SPATA31E1: variants seen among roughly 807,000 people sequenced by gnomAD.
SPATA31E1 encodes the protein spermatogenesis-associated protein 31E1.
SPATA31E1 carries 7 observed loss-of-function variants against 12.9 expected under a neutral mutation model. That is an observed-to-expected ratio of 0.54 (90% CI 0.31 to 1.02). The LOEUF is 1.02. Ranked by LOEUF, SPATA31E1 falls within the 50% of genes least tolerant of loss-of-function variation. The pLI is 0.05. For missense variants in SPATA31E1, 1,961 were observed against 1,799.8 expected (o/e 1.09, Z -1.62); for synonymous variants, 771 against 719.0 (o/e 1.07, Z -1.16).
rs763561238 is a variant in SPATA31E1, at chr9:87,885,496, G to C, written c.1009G>C (p.Glu337Gln). ...QPRHLPDHTSEASFWGDPTPK... is the reference protein window; with the variant it reads ...QPRHLPDHTSQASFWGDPTPK... Reference sequence around the variant, plus strand: ...ACGGCATCTTCCCGACCACACCTCAGAGGCTTCCTTCTGGGGAGACCCCAC... The same window carrying C: ...ACGGCATCTTCCCGACCACACCTCACAGGCTTCCTTCTGGGGAGACCCCAC... Residue 337 changes from glutamate to glutamine, a missense_variant, in exon 4 of 4, where the codon GAG becomes CAG. By Grantham distance (29) the Glu-to-Gln change is conservative. Transcript: ENST00000325643. 6.2e-7 allele frequency: 1 copy of C among 1,614,020 alleles called. No homozygotes were observed. Among genetic ancestry groups the C allele is most frequent in the Non-Finnish European group, 8.5e-7 (1 of 1,180,014 alleles).
At position 87,886,116 on chromosome 9, in the gene SPATA31E1, G is replaced by A. The variant is rs764728098; in HGVS notation, c.1629G>A (p.Arg543=). The change falls in exon 4 of 4, where the codon AGG becomes AGA. Residue 543 remains arginine (R), a synonymous_variant. Transcript: ENST00000325643. ...SLGCSSPPQI[R]GCGASYPTSQ... ...GGTGCTCTTCTCCACCCCAGATTAG[G>A]GGCTGTGGGGCATCTTACCCTACAT... 2 of 1,603,568 alleles carry A rather than the reference G, an allele frequency of 1.2e-6. No individual in the cohort carries two copies. Among genetic ancestry groups the A allele is most frequent in the South Asian group, 1.1e-5 (1 of 89,488 alleles).
Position 87,885,893 on chromosome 9 carries a change from T to C in SPATA31E1, c.1406T>C (p.Val469Ala), listed in dbSNP as rs769848578. Residue 469 changes from valine to alanine, a missense_variant, in exon 4 of 4, where the codon GTA becomes GCA. By Grantham distance (64) the Val-to-Ala change is moderately conservative. Transcript: ENST00000325643. ...CCTTCCTCACAGAATGCACACTCTGTACCACTGGATAAAGCCTCCACTTCT... is the reference window on the plus strand; with the variant it reads ...CCTTCCTCACAGAATGCACACTCTGCACCACTGGATAAAGCCTCCACTTCT... Reference protein sequence around the residue: ...RNPSSQNAHSVPLDKASTSLP... With the variant: ...RNPSSQNAHSAPLDKASTSLP... 6.2e-6 allele frequency: 10 copies of C among 1,613,908 alleles called. No homozygotes were observed. In the East Asian group the frequency reaches 2.2e-4, roughly 36 times the overall value.
At chr9:87,884,154 A>G in intron 2 of SPATA31E1, 108 bp downstream of exon 2, 1 of 1,367,620 alleles carries the variant, frequency 7.3e-7, no homozygotes, top group Non-Finnish European at 1.0e-6. Context: ...GAGAGAAATC[A>G]GAACCTGCGG....
rs34051334 is a variant in SPATA31E1 at position 87,887,258 on chromosome 9, C to T, written c.2771C>T (p.Pro924Leu). The change falls in exon 4 of 4, where the codon CCG becomes CTG. Residue 924 changes from proline to leucine, a missense_variant. Coordinates refer to ENST00000325643, the MANE Select transcript of SPATA31E1 (RefSeq NM_178828.5). The part of the protein sequence containing the change: ...PTVSGPLAAP[P>L]PEQEGVQRPP... Reference sequence around the variant, plus strand: ...GTGAGTGGCCCTCTCGCTGCCCCACCGCCTGAGCAGGAGGGAGTCCAGAGG... The same window carrying T: ...GTGAGTGGCCCTCTCGCTGCCCCACTGCCTGAGCAGGAGGGAGTCCAGAGG... 7.8e-4 allele frequency: 1,266 copies of T among 1,614,000 alleles called. 5 individuals carry two copies. In the African/African-American group the frequency reaches 0.014, roughly 18 times the overall value.
chr9:87,883,083 G>A lies in SPATA31E1; in HGVS notation c.192G>A (p.Trp64Ter), dbSNP rs759624489. ...ATWLSPSSTP[W>*]MMDFILTSVC... ...GGCTGAGCCCTAGCTCCACTCCCTG[G>A]ATGATGGATTTCATCCTCACCAGTG... is the stretch of plus-strand genomic sequence containing the variant. Residue 64 changes from tryptophan to a stop codon, truncating the protein, a stop_gained, in exon 1 of 4, where the codon TGG (tryptophan) becomes TGA (stop). Transcript: ENST00000325643. LOFTEE classifies it high-confidence loss of function. 12 of 1,612,086 alleles carry A rather than the reference G, an allele frequency of 7.4e-6. No homozygotes were observed. In the South Asian group the frequency reaches 1.1e-4, roughly 15 times the overall value.
At position 87,887,536 on chromosome 9, in the gene SPATA31E1, C is replaced by G; in HGVS notation, c.3049C>G (p.Leu1017Val). 6.2e-7 allele frequency: 1 copy of G among 1,614,078 alleles called. No homozygotes were observed. The stretch of plus-strand genomic sequence containing the variant: ...AGGAGACCCCTGTAGTAGCAGAGCC[C>G]TGCAAGTGCTCAGCATAGGGTCCCA... ...SPGDPCSSRALQVLSIGSQWA... is the reference protein window; with the variant it reads ...SPGDPCSSRAVQVLSIGSQWA... The change falls in exon 4 of 4, where the codon CTG (leucine) becomes GTG (valine). Residue 1017 changes from leucine (L) to valine (V), a missense_variant. Physicochemically the swap from Leu to Val is conservative, Grantham distance 32. Transcript: ENST00000325643.
chr9:87,883,619 C>G (rs552432997), intron 1 of SPATA31E1, among the ~76,000 whole-genome samples: 1 of 152,050 alleles, frequency 6.6e-6, no homozygotes, highest in Non-Finnish European at 1.5e-5. Context: ...GGCTGCACCC[C>G]GGCCACATGT....
rs761471894 is a variant in SPATA31E1 at position 87,887,431 on chromosome 9, C to A, written c.2944C>A (p.Pro982Thr). The A allele has an allele frequency of 8.1e-6, 13 of 1,613,708 alleles. No individual in the cohort carries two copies. In the Admixed American group the frequency reaches 2.2e-4, roughly 27 times the overall value. Reference sequence around the variant, plus strand: ...CAGGACTGTCCTGGAATCCGGGAAACCCAAACCCAGACTAGAGGGGAGTAT... The same window carrying A: ...CAGGACTGTCCTGGAATCCGGGAAAACCAAACCCAGACTAGAGGGGAGTAT... ...QSRTVLESGK[P>T]KPRLEGSMGS... Residue 982 changes from proline (P) to threonine (T), a missense_variant, in exon 4 of 4, where the codon CCC (proline) becomes ACC (threonine). Coordinates refer to ENST00000325643, the MANE Select transcript of SPATA31E1 (RefSeq NM_178828.5).
In SPATA31E1 at chr9:87,887,217, C is replaced by T; in HGVS notation, c.2730C>T (p.Ser910=). Residue 910 remains serine (S), a synonymous_variant, in exon 4 of 4, where the codon AGC becomes AGT. Transcript: ENST00000325643. The part of the protein sequence containing the change: ...QNGPGDNRTT[S]KSVPTVSGPL... ...GTCCAGGAGACAACAGAACAACAAG[C>T]AAGTCAGTCCCGACCGTGAGTGGCC... The T allele has an allele frequency of 6.2e-7, 1 of 1,614,092 alleles. No homozygotes were observed. Among genetic ancestry groups the T allele is most frequent in the Non-Finnish European group, 8.5e-7 (1 of 1,180,038 alleles).
Position 87,888,864 on chromosome 9 carries a change from G to T in SPATA31E1, c.*39G>T. ...TCTTGCATGTCTCCTGGGGGAGACA[G>T]GGGGTTCTACTCAAATAAAACTGAT... On this transcript the variant is annotated 3_prime_UTR_variant, in exon 4 of 4. Coordinates refer to ENST00000325643, the MANE Select transcript of SPATA31E1 (RefSeq NM_178828.5). 1 of 1,514,660 alleles carries T rather than the reference G, an allele frequency of 6.6e-7. No individual in the cohort carries two copies. Among genetic ancestry groups the T allele is most frequent in the Non-Finnish European group, 8.9e-7 (1 of 1,129,602 alleles). 93.8% of individuals were successfully genotyped at this position (1,514,660 alleles called of 1,614,324 possible). A position where few individuals can be genotyped will look rare whatever the true frequency, so the allele number is the denominator to read the frequency against.
chr9:87,887,186 A>C lies in SPATA31E1; in HGVS notation c.2699A>C (p.Gln900Pro). 1 of 1,614,126 alleles carries C rather than the reference A, an allele frequency of 6.2e-7. No individual in the cohort carries two copies. The highest frequency in any genetic ancestry group is 8.5e-7 in the Non-Finnish European group (1 of 1,180,036). ...CCCATTTTCCTGGGAAAACGTCCTC[A>C]GAATGGTCCAGGAGACAACAGAACA... ...KVPIFLGKRP[Q>P]NGPGDNRTTS... is the part of the protein sequence containing the mutation. The change falls in exon 4 of 4, where the codon CAG becomes CCG. Residue 900 changes from glutamine to proline, a missense_variant. Transcript: ENST00000325643.
In SPATA31E1 at chr9:87,886,081, C is replaced by G; in HGVS notation, c.1594C>G (p.Pro532Ala). The change falls in exon 4 of 4, where the codon CCA becomes GCA. Residue 532 changes from proline to alanine, a missense_variant. Transcript: ENST00000325643. ...QTQAHLSPPV[P>A]SLGCSSPPQI... ...CCAGGCCCACCTCTCACCCCCTGTC[C>G]CAAGCCTGGGGTGCTCTTCTCCACC... is the stretch of plus-strand genomic sequence containing the variant. The G allele has an allele frequency of 6.2e-7, 1 of 1,610,162 alleles. No homozygotes were observed. Among genetic ancestry groups the G allele is most frequent in the Non-Finnish European group, 8.5e-7 (1 of 1,177,770 alleles).
In SPATA31E1 at chr9:87,887,993, C is replaced by A. The variant is rs199797973; in HGVS notation, c.3506C>A (p.Ala1169Asp). 3.7e-6 allele frequency: 6 copies of A among 1,613,630 alleles called. No homozygotes were observed. Among genetic ancestry groups the A allele is most frequent in the Non-Finnish European group, 5.1e-6 (6 of 1,179,982 alleles). ...ATGACAGCTTCCCAGGGGCCATGTG[C>A]CCTCCTATGGAAGGGAGGGGACAGT... ...KNMTASQGPC[A>D]LLWKGGDSPG... The change falls in exon 4 of 4, where the codon GCC becomes GAC. Residue 1169 changes from alanine to aspartate, a missense_variant. Physicochemically the swap from Ala to Asp is moderately radical, Grantham distance 126. Coordinates refer to ENST00000325643, the MANE Select transcript of SPATA31E1 (RefSeq NM_178828.5).
At position 87,886,316 on chromosome 9, in the gene SPATA31E1, A is replaced by G. The variant is rs779691900; in HGVS notation, c.1829A>G (p.Lys610Arg). The change falls in exon 4 of 4, where the codon AAG becomes AGG. Residue 610 changes from lysine to arginine, a missense_variant. Coordinates refer to ENST00000325643, the MANE Select transcript of SPATA31E1 (RefSeq NM_178828.5). ...GAGAGGCCGGCCTCCTGGAGCCCCAAGTCAGCCCCCATCCTTCCCGGGGTT... is the reference window on the plus strand; with the variant it reads ...GAGAGGCCGGCCTCCTGGAGCCCCAGGTCAGCCCCCATCCTTCCCGGGGTT... ...PQERPASWSP[K>R]SAPILPGVVT... 1 of 1,613,590 alleles carries G rather than the reference A, an allele frequency of 6.2e-7. No homozygotes were observed. Among genetic ancestry groups the G allele is most frequent in the East Asian group, 2.2e-5 (1 of 44,842 alleles).
At position 87,882,908 on chromosome 9, in the gene SPATA31E1, T is replaced by C. The variant is rs373624436; in HGVS notation, c.17T>C (p.Ile6Thr). The C allele has an allele frequency of 1.1e-5, 18 of 1,611,370 alleles. No homozygotes were observed. Among genetic ancestry groups the C allele is most frequent in the Non-Finnish European group, 1.5e-5 (18 of 1,178,868 alleles). MGNLVIPLGKGRAGRV... is the reference protein window; with the variant it reads MGNLVTPLGKGRAGRV... ...TTGAAGGCGATGGGAAATCTCGTCA[T>C]CCCTCTAGGGAAGGGCAGGGCAGGC... Residue 6 changes from isoleucine (I) to threonine (T), a missense_variant, in exon 1 of 4, where the codon ATC becomes ACC. Coordinates refer to ENST00000325643, the MANE Select transcript of SPATA31E1 (RefSeq NM_178828.5).
intron 3 of SPATA31E1, 121 bp from the exon 4 acceptor site, chr9:87,884,791 CA>C: frequency 6.8e-7 from 1 of 1,473,178 alleles, no homozygotes; most frequent in Non-Finnish European, 9.3e-7. Context: ...CAGGCTTAGG[CA>C]GAGCTTTATG....
In SPATA31E1 at chr9:87,883,132, C is replaced by G. The variant is rs780747727; in HGVS notation, c.241C>G (p.Leu81Val). 1 of 1,600,438 alleles carries G rather than the reference C, an allele frequency of 6.2e-7. No homozygotes were observed. Among genetic ancestry groups the G allele is most frequent in the Admixed American group, 1.7e-5 (1 of 58,596 alleles). The stretch of plus-strand genomic sequence containing the variant: ...TGTGTGTGGCCTAGTGCTCCTCTTC[C>G]TATTGCTCCTCTACGTCCACAGTGA... ...TSVCGLVLLFLLLLYVHSDPP... is the reference protein window; with the variant it reads ...TSVCGLVLLFVLLLYVHSDPP... The change falls in exon 1 of 4, where the codon CTA becomes GTA. Residue 81 changes from leucine to valine, a missense_variant. Transcript: ENST00000325643.
At position 87,887,005 on chromosome 9, in the gene SPATA31E1, G is replaced by T. The variant is rs777273224; in HGVS notation, c.2518G>T (p.Val840Leu). Residue 840 changes from valine to leucine, a missense_variant, in exon 4 of 4, where the codon GTA (valine) becomes TTA (leucine). Coordinates refer to ENST00000325643, the MANE Select transcript of SPATA31E1 (RefSeq NM_178828.5). The stretch of plus-strand genomic sequence containing the variant: ...CCAGCAGATACTGGAAGTACATCTT[G>T]TAAGGTTCTGTGTGAGGCACAGCTG... The part of the protein sequence containing the change: ...CTQQILEVHL[V>L]RFCVRHSWGT... 6.2e-7 allele frequency: 1 copy of T among 1,614,118 alleles called. No individual in the cohort carries two copies. Among genetic ancestry groups the T allele is most frequent in the Admixed American group, 1.7e-5 (1 of 60,020 alleles).
At position 87,886,209 on chromosome 9, in the gene SPATA31E1, A is replaced by G. The variant is rs1207710387; in HGVS notation, c.1722A>G (p.Arg574=). The change falls in exon 4 of 4, where the codon CGA becomes CGG. Residue 574 remains arginine, a synonymous_variant. Coordinates refer to ENST00000325643, the MANE Select transcript of SPATA31E1 (RefSeq NM_178828.5). ...ATCTTGAATGGCCCTTGAAGAAGCG[A>G]CCAAAGTGGAAGAGGGTTTTGCCCT... ...KEYLEWPLKK[R]PKWKRVLPSL... 1.2e-6 allele frequency: 2 copies of G among 1,613,272 alleles called. No homozygotes were observed. The highest frequency in any genetic ancestry group is 1.7e-6 in the Non-Finnish European group (2 of 1,179,684).
Sources: allele counts gnomAD v4.1 joint callset (sites outside exome capture counted in the v4.1 genomes callset), GRCh38; gene constraint gnomAD v4.1.1; transcripts MANE v1.5; gene names NCBI Gene and HGNC (gene_info 2026-07-23, HGNC 2026-07-21).